Variants in SIPA1L1 observed in about 807,000 individuals in gnomAD.
SIPA1L1 encodes the protein signal induced proliferation associated 1 like 1.
SIPA1L1 carries 26 observed loss-of-function variants against 162.7 expected under a neutral mutation model. The ratio of observed to expected loss-of-function variants is 0.16; its 90% CI spans 0.12 to 0.22. The LOEUF (loss-of-function observed/expected upper bound fraction) is 0.22, where lower values mean the gene tolerates loss of function less well. Ranked by LOEUF, SIPA1L1 falls within the 10% of genes least tolerant of loss-of-function variation. SIPA1L1 has a pLI of 1.00. For synonymous variants in SIPA1L1, 829 were observed against 837.4 expected (o/e 0.99, Z 0.17); for missense variants, 1,874 against 2,241.0 (o/e 0.84, Z 3.31).
At chr14:71,580,981 CCTGT>C (rs770319308) in intron 4 of SIPA1L1, among the ~76,000 whole-genome samples, 13 of 152,140 alleles carry the variant, frequency 8.5e-5, no homozygotes, top group South Asian at 2.1e-4. Context: ...TGCCTGCCTG[CCTGT>C]CTATCTGTCT....
At chr14:71,687,739 T>C (rs2080973177) in intron 13 of SIPA1L1, among the ~76,000 whole-genome samples, 1 of 152,242 alleles carries the variant, frequency 6.6e-6, no homozygotes, top group Non-Finnish European at 1.5e-5. Context: ...TTTCTGTGTG[T>C]ACTTGTGTCT....
intron 2 of SIPA1L1, among the ~76,000 whole-genome samples, chr14:71,452,214 C>G (rs2045883617): frequency 1.3e-5 from 2 of 152,044 alleles, no homozygotes. Context: ...ACCCCCTATA[C>G]TACCAAAGGT....
intron 2 of SIPA1L1, among the ~76,000 whole-genome samples, chr14:71,453,275 G>A (rs1199251076): frequency 6.6e-6 from 1 of 151,914 alleles, no homozygotes; most frequent in African/African-American, 2.4e-5. Flanking sequence ...CTTTTGTTTT[G>A]TTTTTGGAGA....
At chr14:71,630,788 C>T (rs1177096489) in intron 7 of SIPA1L1, among the ~76,000 whole-genome samples, 1 of 151,890 alleles carries the variant, frequency 6.6e-6, no homozygotes, top group Non-Finnish European at 1.5e-5. Flanking sequence ...TTTCATTATG[C>T]AGTTTCTGTA....
At chr14:71,532,521 C>G (rs1291937419) in intron 4 of SIPA1L1, among the ~76,000 whole-genome samples, 2 of 152,170 alleles carry the variant, frequency 1.3e-5, no homozygotes, top group African/African-American at 2.4e-5. Context: ...GACACTGACT[C>G]AGATCTGTAA....
Position 71,736,329 on chromosome 14 carries a change from G to A in SIPA1L1, c.5123+938G>A, listed in dbSNP as rs542405788. On this transcript the variant is annotated intron_variant, in intron 22 of 23. Transcript: ENST00000381232. The stretch of plus-strand genomic sequence containing the variant: ...TGAGAATCACTTGAACCCAGGAGGC[G>A]GAGGTTGCAGTGAGCCAAGATCGCA... Among the ~76,000 whole-genome samples the A allele has an allele frequency of 2.0e-5, 3 of 152,284 alleles. No homozygotes were observed. In the East Asian group the frequency reaches 5.8e-4, roughly 29 times the overall value.
chr14:71,424,214 C>A (rs552727128), intron 2 of SIPA1L1, among the ~76,000 whole-genome samples: 3 of 152,000 alleles, frequency 2.0e-5, no homozygotes, highest in African/African-American at 7.2e-5. Context: ...GATTATATCA[C>A]CTGTGGACAG....
At chr14:71,542,528 C>T (rs2054529232) in intron 4 of SIPA1L1, among the ~76,000 whole-genome samples, 1 of 150,010 alleles carries the variant, frequency 6.7e-6, no homozygotes, top group Non-Finnish European at 1.5e-5. Flanking sequence ...CCTCCTCCTC[C>T]TCTTCCTCCT....
At chr14:71,494,237 G>A (rs2049531048) in intron 2 of SIPA1L1, among the ~76,000 whole-genome samples, 1 of 152,138 alleles carries the variant, frequency 6.6e-6, no homozygotes, top group East Asian at 1.9e-4. Flanking sequence ...GTCTTTTACT[G>A]TTGGTATGAT....
At chr14:71,422,680 A>G (rs1035864544) in intron 2 of SIPA1L1, among the ~76,000 whole-genome samples, 2 of 152,226 alleles carry the variant, frequency 1.3e-5, no homozygotes, top group Non-Finnish European at 2.9e-5. Context: ...AAAGCGGAAT[A>G]ATATTCTGTT....
At chr14:71,360,694 G>A (rs959959107) in intron 2 of SIPA1L1, among the ~76,000 whole-genome samples, 5 of 152,268 alleles carry the variant, frequency 3.3e-5, no homozygotes, top group Non-Finnish European at 4.4e-5. Flanking sequence ...TTGAGGAATT[G>A]CCTTTTGGAA....
At chr14:71,498,308 G>A (rs960987547) in intron 2 of SIPA1L1, among the ~76,000 whole-genome samples, 8 of 152,216 alleles carry the variant, frequency 5.3e-5, no homozygotes, top group Admixed American at 4.6e-4. Flanking sequence ...ATTGAGTGGT[G>A]TAAGGCTGCT....
At chr14:71,720,722 T>C (rs963999806) in intron 17 of SIPA1L1, among the ~76,000 whole-genome samples, 49 of 152,256 alleles carry the variant, frequency 3.2e-4, no homozygotes, top group African/African-American at 1.2e-3. Flanking sequence ...AATTCCGCTG[T>C]TGAGAAACTG....
chr14:71,362,733 T>C (rs760291875), intron 2 of SIPA1L1, among the ~76,000 whole-genome samples: 2 of 152,174 alleles, frequency 1.3e-5, no homozygotes, highest in Non-Finnish European at 2.9e-5. Flanking sequence ...TAAAATATCC[T>C]GTAGTGTTGA....
rs765106790 is a variant in SIPA1L1 at position 71,446,894 on chromosome 14, G to GTTTTTTTTTTTTTTTTTTTTTTTTTTT, written c.-464-65838_-464-65837insTTTTTTTTTTTTTTTTTTTTTTTTTTT. 9.2e-5 allele frequency among the ~76,000 whole-genome samples: 8 copies of GTTTTTTTTTTTTTTTTTTTTTTTTTTT among 87,402 alleles called. 1 individual carries two copies. Among genetic ancestry groups the GTTTTTTTTTTTTTTTTTTTTTTTTTTT allele is most frequent in the East Asian group, 8.2e-4 (2 of 2,448 alleles). The allele number at this position is 87,402 out of a possible 152,430, so 57.3% of individuals were successfully genotyped here. A position where few individuals can be genotyped will look rare whatever the true frequency, so the allele number is the denominator to read the frequency against. On this transcript the variant is annotated intron_variant, in intron 2 of 23. Coordinates refer to ENST00000381232, the MANE Select transcript of SIPA1L1 (RefSeq NM_001386936.1). ...CTGCAAATAAAGAGAGATGGGCTCTGTTTTTTTTTTTGTTTTTTTTTTTTT... is the reference window on the plus strand; with the variant it reads ...CTGCAAATAAAGAGAGATGGGCTCTGTTTTTTTTTTTTTTTTTTTTTTTTTTTTTTTTTTTTTTGTTTTTTTTTTTTT...
intron 2 of SIPA1L1, among the ~76,000 whole-genome samples, chr14:71,323,091 A>G (rs56333151): frequency 0.14 from 21,082 of 152,196 alleles, 1,578 homozygotes; most frequent in East Asian, 0.28. Context: ...AGGCTTCTGC[A>G]TTTGCTTTGC....
intron 7 of SIPA1L1, among the ~76,000 whole-genome samples, chr14:71,638,690 C>T (rs566656847): frequency 6.6e-5 from 10 of 152,266 alleles, no homozygotes; most frequent in Admixed American, 2.6e-4. Flanking sequence ...GGCATGTAGA[C>T]GCAGCAGTGG....
rs558267746 is a variant in SIPA1L1 at position 71,569,867 on chromosome 14, T to C, written c.-302-17704T>C. On this transcript the variant is annotated intron_variant, in intron 4 of 23. Transcript: ENST00000381232. ...TGCCACCACCTTCCATGTAAATGGATTCGCCTCTTTCCTGCTTTCTTTAGA... is the reference window on the plus strand; with the variant it reads ...TGCCACCACCTTCCATGTAAATGGACTCGCCTCTTTCCTGCTTTCTTTAGA... Among the ~76,000 whole-genome samples, 5 of 152,324 alleles carry C rather than the reference T, an allele frequency of 3.3e-5. No individual in the cohort carries two copies. The East Asian group carries it at 9.7e-4, about 29-fold the overall frequency.
chr14:71,729,953 G>T (rs545205480), intron 19 of SIPA1L1, 102 bp from the exon 20 acceptor site: 70 of 1,256,014 alleles, frequency 5.6e-5, no homozygotes, highest in Non-Finnish European at 7.6e-5. Flanking sequence ...TGCTAGGGGT[G>T]TGTCTGGAGC....
Sources: allele counts gnomAD v4.1 joint callset (sites outside exome capture counted in the v4.1 genomes callset), GRCh38; gene constraint gnomAD v4.1.1; transcripts MANE v1.5; gene names NCBI Gene and HGNC (gene_info 2026-07-23, HGNC 2026-07-21).